Variants in GRID1 observed in about 807,000 individuals in gnomAD.
GRID1 encodes glutamate receptor ionotropic, delta-1.
A neutral mutation model predicts 98.0 loss-of-function variants in GRID1; 28 were observed. The observed-to-expected ratio is 0.29, with a 90% CI of 0.21 to 0.39. GRID1 has a LOEUF of 0.39. GRID1 is among the 10% of genes least tolerant of loss of function. The pLI, the probability that GRID1 is intolerant of heterozygous loss-of-function variation, is 1.00. For missense variants in GRID1, 1,111 were observed against 1,340.5 expected, an observed-to-expected ratio of 0.83 and a Z score of 2.67; for synonymous variants, 553 against 538.5, an observed-to-expected ratio of 1.03 and a Z score of -0.37.
chr10:85,685,433 C>T (rs1311380552), intron 12 of GRID1, among the ~76,000 whole-genome samples: 1 of 152,036 alleles, frequency 6.6e-6, no homozygotes, highest in Non-Finnish European at 1.5e-5. Flanking sequence ...AAATAGACTA[C>T]CAATTACATG....
chr10:85,671,969 TA>T (rs1408827759), intron 12 of GRID1, among the ~76,000 whole-genome samples: 3 of 152,096 alleles, frequency 2.0e-5, no homozygotes, highest in African/African-American at 7.2e-5. Flanking sequence ...GAGGAAACTG[TA>T]GGAAAAAAAG....
intron 4 of GRID1, among the ~76,000 whole-genome samples, chr10:85,973,138 G>A (rs991942746): frequency 9.9e-5 from 15 of 152,156 alleles, no homozygotes; most frequent in Admixed American, 8.5e-4. Context: ...TTTGTCCAGT[G>A]TTAACCAGGT....
At chr10:85,962,374 C>T (rs1589315345) in intron 4 of GRID1, among the ~76,000 whole-genome samples, 1 of 152,352 alleles carries the variant, frequency 6.6e-6, no homozygotes, top group South Asian at 2.1e-4. Flanking sequence ...CAACCTGAAG[C>T]TGCCAGTCCC....
rs534070466 is a variant in GRID1 at position 86,264,580 on chromosome 10, A to G, written c.236-57932T>C. On this transcript the variant is annotated intron_variant, in intron 2 of 15. Coordinates refer to ENST00000327946, the MANE Select transcript of GRID1 (RefSeq NM_017551.3). ...CCACCTGGAGAGCAAGGTTTCCACA[A>G]TCTTCTCTGGCTCAGGAGGGCCTGG... 1.1e-4 allele frequency: 49 copies of G among 450,206 alleles called. 1 individual carries two copies. The highest frequency in any genetic ancestry group is 6.3e-4 in the South Asian group (40 of 63,428). 27.9% of individuals were successfully genotyped at this position (450,206 alleles called of 1,614,324 possible).
chr10:86,140,214 A>G (rs1470029084), intron 3 of GRID1, among the ~76,000 whole-genome samples: 2 of 152,138 alleles, frequency 1.3e-5, no homozygotes, highest in African/African-American at 4.8e-5. Flanking sequence ...TCCCATAAGC[A>G]AGAGCCGTGC....
intron 2 of GRID1, among the ~76,000 whole-genome samples, chr10:86,299,031 T>G (rs1166885795): frequency 6.6e-6 from 1 of 151,996 alleles, no homozygotes; most frequent in African/African-American, 2.4e-5. Context: ...CATGTCCTAT[T>G]CCATTCCACC....
At chr10:86,155,817 G>A (rs961500635) in intron 3 of GRID1, among the ~76,000 whole-genome samples, 2 of 152,316 alleles carry the variant, frequency 1.3e-5, no homozygotes, top group East Asian at 1.9e-4. Context: ...AGCCGGGGCT[G>A]GGCTGTGTGC....
At chr10:86,154,504 C>T (rs915358131) in intron 3 of GRID1, among the ~76,000 whole-genome samples, 4 of 152,056 alleles carry the variant, frequency 2.6e-5, no homozygotes, top group Non-Finnish European at 5.9e-5. Flanking sequence ...GAAGGGCCCC[C>T]GGCTTCTTGA....
intron 2 of GRID1, among the ~76,000 whole-genome samples, chr10:86,328,213 A>C (rs914814462): frequency 6.6e-6 from 1 of 152,228 alleles, no homozygotes; most frequent in Non-Finnish European, 1.5e-5. Flanking sequence ...TTATTCTGTT[A>C]TGTGTGTAGG....
At chr10:85,794,178 C>T (rs1271941898) in intron 8 of GRID1, among the ~76,000 whole-genome samples, 1 of 152,092 alleles carries the variant, frequency 6.6e-6, no homozygotes, top group Non-Finnish European at 1.5e-5. Flanking sequence ...GTAGATTTTC[C>T]ACTGCTGAGG....
intron 4 of GRID1, among the ~76,000 whole-genome samples, chr10:85,998,220 G>A (rs547746847): frequency 6.6e-5 from 10 of 152,072 alleles, no homozygotes; most frequent in East Asian, 3.9e-4. Context: ...CCCACGAAAC[G>A]TTCCCCAAGG....
At chr10:86,264,897 G>A in intron 2 of GRID1, 1 of 395,140 alleles carries the variant, frequency 2.5e-6, no homozygotes, top group South Asian at 1.9e-5. Flanking sequence ...GAGGCTCCTA[G>A]AGGAGAAGGG....
intron 4 of GRID1, among the ~76,000 whole-genome samples, chr10:86,079,862 T>C (rs1270414919): frequency 1.3e-5 from 2 of 152,202 alleles, no homozygotes; most frequent in Non-Finnish European, 2.9e-5. Flanking sequence ...CGTTATTTCC[T>C]TTCTGTAGAC....
chr10:86,261,406 C>G (rs1003444949), intron 2 of GRID1, among the ~76,000 whole-genome samples: 7 of 152,188 alleles, frequency 4.6e-5, no homozygotes, highest in Non-Finnish European at 1.0e-4. Flanking sequence ...GCACTTAGCA[C>G]AGAGCCTGGC....
chr10:86,234,492 C>A (rs1846505187), intron 2 of GRID1, among the ~76,000 whole-genome samples: 1 of 152,174 alleles, frequency 6.6e-6, no homozygotes, highest in South Asian at 2.1e-4. Flanking sequence ...TTAGGAAGAT[C>A]CAATGTGAAG....
At chr10:86,248,266 G>A (rs528540252) in intron 2 of GRID1, among the ~76,000 whole-genome samples, 62 of 152,258 alleles carry the variant, frequency 4.1e-4, no homozygotes, top group African/African-American at 1.3e-3. Flanking sequence ...AGCAGGCTGG[G>A]GCTGCCTGAG....
intron 12 of GRID1, among the ~76,000 whole-genome samples, chr10:85,701,269 C>T (rs1238235878): frequency 6.6e-6 from 1 of 152,108 alleles, no homozygotes; most frequent in Non-Finnish European, 1.5e-5. Flanking sequence ...ACGGAAAATG[C>T]CTAGGTTCCT....
At chr10:85,631,385 A>G (rs1298921648) in intron 13 of GRID1, among the ~76,000 whole-genome samples, 5 of 152,194 alleles carry the variant, frequency 3.3e-5, no homozygotes, top group African/African-American at 1.2e-4. Context: ...AGCTTTTGTT[A>G]ATGACATCTG....
intron 4 of GRID1, among the ~76,000 whole-genome samples, chr10:85,971,451 T>C (rs1304298952): frequency 6.6e-6 from 1 of 152,052 alleles, no homozygotes; most frequent in Admixed American, 6.6e-5. Flanking sequence ...AAGACCCATA[T>C]TCAGCATTTT....
Sources: gnomAD v4.1 joint callset for allele counts (sites outside exome capture counted in the v4.1 genomes callset) on GRCh38, gnomAD v4.1.1 for gene constraint, MANE v1.5 for transcripts, NCBI Gene and HGNC (gene_info 2026-07-23, HGNC 2026-07-21) for gene names.